The following ZNF100 variants were observed in gnomAD, a reference collection of about 807,000 sequenced individuals.
ZNF100 encodes the protein zinc finger protein 100 (Y1).
Under a neutral mutation model 15.8 loss-of-function variants are expected in ZNF100, and 12 were observed. The ratio of observed to expected loss-of-function variants is 0.76; its 90% CI spans 0.49 to 1.23. ZNF100 has a LOEUF of 1.23. ZNF100 is among the 50% of genes most tolerant of loss of function. ZNF100 has a pLI of 0.00. For missense variants in ZNF100, 670 were observed against 635.6 expected, an observed-to-expected ratio of 1.05 and a Z score of -0.58; for synonymous variants, 226 against 214.8, an observed-to-expected ratio of 1.05 and a Z score of -0.45.
chr19:21,751,100 G>A, intron 2 of ZNF100: 5 of 1,435,596 alleles, frequency 3.5e-6, no homozygotes, highest in Admixed American at 3.4e-5. Flanking sequence ...GACCATCCAA[G>A]GGCAAGCACA....
intron 4 of ZNF100, among the ~76,000 whole-genome samples, chr19:21,734,819 T>C (rs1167546789): frequency 6.6e-6 from 1 of 152,076 alleles, no homozygotes. Flanking sequence ...GAAGGCCAGG[T>C]CACCCAGAAA....
intron 1 of ZNF100, 48 bp from the exon 2 acceptor site, chr19:21,765,834 C>A: frequency 6.4e-7 from 1 of 1,562,218 alleles, no homozygotes; most frequent in South Asian, 1.1e-5. Flanking sequence ...GGCACTTTAG[C>A]TGACAGAACC....
At position 21,724,138 on chromosome 19, in the gene ZNF100, G is replaced by GA. The variant is rs1330975829; in HGVS notation, c.*2544dup. 3 of 152,138 alleles carry GA rather than the reference G, an allele frequency of 2.0e-5. No homozygotes were observed. The highest frequency in any genetic ancestry group is 4.4e-5 in the Non-Finnish European group (3 of 68,000). The allele number at this position is 152,138 out of a possible 1,614,324, so 9.4% of individuals were successfully genotyped here. The stretch of plus-strand genomic sequence containing the variant: ...CAAGTATAAACAGAATTTTCATGGG[G>GA]AGATTCAGAACTATAAGCCACAGAA... On this transcript the variant is annotated 3_prime_UTR_variant, in exon 5 of 5. Transcript: ENST00000358296.
At position 21,767,311 on chromosome 19, in the gene ZNF100, A is replaced by T. The variant is rs542043048; in HGVS notation, c.3+116T>A. 5 of 1,568,240 alleles carry T rather than the reference A, an allele frequency of 3.2e-6. No individual in the cohort carries two copies. In the African/African-American group the frequency reaches 4.1e-5, roughly 13 times the overall value. ...GAAGGGGACGGAGGCCGAGCTGGGC[A>T]AGGCGCAGATTGTGAAGCTGACTGC... On this transcript the variant is annotated intron_variant, in intron 1 of 4. Coordinates refer to ENST00000358296, the MANE Select transcript of ZNF100 (RefSeq NM_173531.4).
chr19:21,726,836 T>G lies in ZNF100; in HGVS notation c.1476A>C (p.Lys492Asn). The G allele has an allele frequency of 6.2e-7, 1 of 1,613,628 alleles. No homozygotes were observed. Among genetic ancestry groups the G allele is most frequent in the Non-Finnish European group, 8.5e-7 (1 of 1,179,832 alleles). ...EKPYKCEECG[K>N]AFNRSSTLTK... ...TAAGGGTTGAGGATCGGTTAAAAGC[T>G]TTGCCACATTCCTCACATTTGTAGG... Residue 492 changes from lysine (K) to asparagine (N), a missense_variant, in exon 5 of 5, where the codon AAA (lysine) becomes AAC (asparagine). Lys to Asn is a moderately conservative substitution (Grantham distance 94, BLOSUM62 0). Coordinates refer to ENST00000358296, the MANE Select transcript of ZNF100 (RefSeq NM_173531.4).
chr19:21,738,720 AG>A (rs1295821775), intron 4 of ZNF100, among the ~76,000 whole-genome samples: 1 of 151,976 alleles, frequency 6.6e-6, no homozygotes, highest in Non-Finnish European at 1.5e-5. Context: ...GCACTTTGGG[AG>A]GTCGATGAGG....
intron 2 of ZNF100, chr19:21,752,484 C>G (rs2036324886): frequency 6.6e-6 from 1 of 152,594 alleles, no homozygotes; most frequent in Non-Finnish European, 1.5e-5. Flanking sequence ...AACCAAAAAG[C>G]TGATGGATAA....
intron 1 of ZNF100, among the ~76,000 whole-genome samples, chr19:21,766,073 T>C (rs1033642168): frequency 6.6e-6 from 1 of 152,162 alleles, no homozygotes; most frequent in Non-Finnish European, 1.5e-5. Context: ...TCGTGGGAAA[T>C]ATTTACAAGC....
rs778486246 is a variant in ZNF100, at chr19:21,727,315, T to G, written c.997A>C (p.Thr333Pro). ...CCAGTATGAATTATCCTGTGTGTAGTAAGGTGTGAGGACCGGTTAAAAGCT... is the reference window on the plus strand; with the variant it reads ...CCAGTATGAATTATCCTGTGTGTAGGAAGGTGTGAGGACCGGTTAAAAGCT... The part of the protein sequence containing the change: ...GKAFNRSSHL[T>P]THRIIHTGEK... The change falls in exon 5 of 5, where the codon ACT becomes CCT. Residue 333 changes from threonine (T) to proline (P), a missense_variant. By Grantham distance (38) the Thr-to-Pro change is conservative. Transcript: ENST00000358296. The G allele has an allele frequency of 1.2e-5, 19 of 1,612,856 alleles. No homozygotes were observed. In the South Asian group the frequency reaches 1.9e-4, roughly 16 times the overall value.
chr19:21,765,635 G>A, intron 2 of ZNF100, 59 bp downstream of exon 2: 8 of 1,515,342 alleles, frequency 5.3e-6, no homozygotes, highest in Non-Finnish European at 7.3e-6. Flanking sequence ...CCAGCAACGT[G>A]TCTCCAAGAA....
intron 4 of ZNF100, among the ~76,000 whole-genome samples, chr19:21,732,427 T>C (rs1309596676): frequency 6.6e-6 from 1 of 152,030 alleles, no homozygotes; most frequent in African/African-American, 2.4e-5. Flanking sequence ...GAGATGATAT[T>C]TGTAGAGGCA....
chr19:21,734,576 C>G (rs1037564373), intron 4 of ZNF100, among the ~76,000 whole-genome samples: 1 of 152,092 alleles, frequency 6.6e-6, no homozygotes, highest in African/African-American at 2.4e-5. Context: ...ACCAAACTTA[C>G]AACTGATTGC....
intron 2 of ZNF100, among the ~76,000 whole-genome samples, chr19:21,747,750 T>C (rs2145723518): frequency 6.6e-6 from 1 of 152,332 alleles, no homozygotes; most frequent in East Asian, 1.9e-4. Context: ...TTGGAATAAG[T>C]CTGCATTTGG....
Position 21,765,678 on chromosome 19 carries a change from T to C in ZNF100, c.96+16A>G, listed in dbSNP as rs372661970. 5 of 1,612,296 alleles carry C rather than the reference T, an allele frequency of 3.1e-6. No individual in the cohort carries two copies. Among genetic ancestry groups the C allele is most frequent in the Middle Eastern group, 1.7e-4 (1 of 6,056 alleles). On this transcript the variant is annotated intron_variant, in intron 2 of 4. Coordinates refer to ENST00000358296, the MANE Select transcript of ZNF100 (RefSeq NM_173531.4). ...CTGGGTTGGGTGAAGACAATTTTAATGTCTCAAGGGGTTACCTTTTCAAAA... is the reference window on the plus strand; with the variant it reads ...CTGGGTTGGGTGAAGACAATTTTAACGTCTCAAGGGGTTACCTTTTCAAAA...
chr19:21,737,990 C>T (rs559457758), intron 4 of ZNF100, among the ~76,000 whole-genome samples: 1 of 152,176 alleles, frequency 6.6e-6, no homozygotes, highest in South Asian at 2.1e-4. Context: ...GTGGTTCTTG[C>T]CTGTAATCCC....
rs146994545 is a variant in ZNF100, at chr19:21,734,934, C to A, written c.323-6945G>T. ...TTCTTAAAAAAAATGAATTTCTAACCCAGAATATCCTGCAACTAAGCTTCA... is the reference window on the plus strand; with the variant it reads ...TTCTTAAAAAAAATGAATTTCTAACACAGAATATCCTGCAACTAAGCTTCA... On this transcript the variant is annotated intron_variant, in intron 4 of 4. Transcript: ENST00000358296. Among the ~76,000 whole-genome samples the A allele has an allele frequency of 3.7e-3, 568 of 152,134 alleles. 2 individuals are homozygous for A. The highest frequency in any genetic ancestry group is 0.013 in the African/African-American group (548 of 41,490).
At position 21,726,077 on chromosome 19, in the gene ZNF100, G is replaced by A. The variant is rs1330889568; in HGVS notation, c.*606C>T. 1 of 152,048 alleles carries A rather than the reference G, an allele frequency of 6.6e-6. No individual in the cohort carries two copies. Among genetic ancestry groups the A allele is most frequent in the Non-Finnish European group, 1.5e-5 (1 of 68,002 alleles). The allele number at this position is 152,048 out of a possible 1,614,324, so 9.4% of individuals were successfully genotyped here. A position where few individuals can be genotyped will look rare whatever the true frequency, so the allele number is the denominator to read the frequency against. The stretch of plus-strand genomic sequence containing the variant: ...TCAGAGGTTTCCTCTAATACAAAAC[G>A]TGTACAGTAAGATCTGTGATACAAG... On this transcript the variant is annotated 3_prime_UTR_variant, in exon 5 of 5. Coordinates refer to ENST00000358296, the MANE Select transcript of ZNF100 (RefSeq NM_173531.4).
At chr19:21,762,391 T>G (rs1408842587) in intron 2 of ZNF100, among the ~76,000 whole-genome samples, 1 of 152,214 alleles carries the variant, frequency 6.6e-6, no homozygotes, top group Admixed American at 6.5e-5. Flanking sequence ...TTGGAAGAAT[T>G]TTGCTTATTT....
intron 4 of ZNF100, among the ~76,000 whole-genome samples, chr19:21,738,266 A>G (rs2036045265): frequency 7.2e-6 from 1 of 138,540 alleles, no homozygotes; most frequent in Non-Finnish European, 1.5e-5. Flanking sequence ...AAAAAAAAAA[A>G]AAAAAAAAAA....
Sources: allele counts gnomAD v4.1 joint callset (sites outside exome capture counted in the v4.1 genomes callset), GRCh38; gene constraint gnomAD v4.1.1; transcripts MANE v1.5; gene names NCBI Gene and HGNC (gene_info 2026-07-23, HGNC 2026-07-21).